The following ATF2 variants were observed in gnomAD, a reference collection of about 807,000 sequenced individuals.
ATF2 encodes cyclic AMP-dependent transcription factor ATF-2.
In ATF2, 24 loss-of-function variants were observed where a neutral mutation model predicts 60.6. That is an observed-to-expected ratio of 0.40 (90% CI 0.29 to 0.56). The LOEUF is 0.56. Among genes scored for constraint, ATF2 ranks in the 20% least tolerant of loss-of-function variants. ATF2 has a pLI of 0.54. For missense variants in ATF2, 433 were observed against 607.7 expected (o/e 0.71, Z 3.02); for synonymous variants, 206 against 215.4 (o/e 0.96, Z 0.38).
chr2:175,097,534 T>C lies in ATF2; in HGVS notation c.888A>G (p.Lys296=), dbSNP rs1209004479. The C allele has an allele frequency of 6.2e-7, 1 of 1,614,138 alleles. No homozygotes were observed. The highest frequency in any genetic ancestry group is 1.7e-5 in the Admixed American group (1 of 60,002). Residue 296 remains lysine (K), a synonymous_variant, in exon 11 of 14, where the codon AAA becomes AAG. Coordinates refer to ENST00000264110, the MANE Select transcript of ATF2 (RefSeq NM_001880.4). ...TCCTAACCAATCCGCTACCATGACC[T>C]TTGACAGTATCACCATTGGTAACTG... ...HPPVTNGDTV[K]GHGSGLVRTQ...
intron 1 of ATF2, among the ~76,000 whole-genome samples, chr2:175,163,136 AAAAT>A (rs576175911): frequency 0.043 from 4,966 of 115,132 alleles, 103 homozygotes; most frequent in Middle Eastern, 0.08. Context: ...TCTGTCTCAA[AAAAT>A]AAATAAATAA....
At chr2:175,094,811 T>A (rs1694810528) in intron 11 of ATF2, among the ~76,000 whole-genome samples, 2 of 152,112 alleles carry the variant, frequency 1.3e-5, no homozygotes, top group Admixed American at 6.6e-5. Flanking sequence ...TGCGGTGGCA[T>A]GTGCTTGTGG....
At chr2:175,140,203 GA>G (rs1559106220) in intron 2 of ATF2, among the ~76,000 whole-genome samples, 1 of 152,082 alleles carries the variant, frequency 6.6e-6, no homozygotes, top group Non-Finnish European at 1.5e-5. Flanking sequence ...TCAGCTAGGC[GA>G]AAATGCCAAA....
chr2:175,114,272 A>G, intron 8 of ATF2, 164 bp from the exon 9 acceptor site: 1 of 1,388,780 alleles, frequency 7.2e-7, no homozygotes, highest in Non-Finnish European at 9.3e-7. Context: ...TTGCATCTTA[A>G]ATGCATAACC....
intron 1 of ATF2, among the ~76,000 whole-genome samples, chr2:175,166,302 G>A (rs1700345975): frequency 6.6e-6 from 1 of 152,122 alleles, no homozygotes; most frequent in South Asian, 2.1e-4. Context: ...GTCTTAGGAA[G>A]GCAACATACA....
chr2:175,091,612 T>C (rs1263275212), intron 12 of ATF2, among the ~76,000 whole-genome samples: 1 of 152,130 alleles, frequency 6.6e-6, no homozygotes, highest in Non-Finnish European at 1.5e-5. Flanking sequence ...GCCTGTAATC[T>C]AGCAATTTGG....
intron 4 of ATF2, among the ~76,000 whole-genome samples, chr2:175,123,848 A>T (rs1255208236): frequency 6.6e-6 from 1 of 152,058 alleles, no homozygotes; most frequent in African/African-American, 2.4e-5. Flanking sequence ...CTCAAAATAC[A>T]AAAACACTGC....
At chr2:175,142,316 G>A (rs1018262395) in intron 2 of ATF2, among the ~76,000 whole-genome samples, 2 of 151,268 alleles carry the variant, frequency 1.3e-5, no homozygotes, top group Admixed American at 6.6e-5. Flanking sequence ...TTACAGGCAC[G>A]CACCACCACT....
At chr2:175,089,618 TGAAA>T (rs1193457696) in intron 12 of ATF2, among the ~76,000 whole-genome samples, 1 of 152,242 alleles carries the variant, frequency 6.6e-6, no homozygotes, top group East Asian at 1.9e-4. Flanking sequence ...GTTGGCAGAC[TGAAA>T]GAAATTTTTC....
intron 2 of ATF2, among the ~76,000 whole-genome samples, chr2:175,140,577 T>G (rs1698433558): frequency 6.6e-6 from 1 of 152,124 alleles, no homozygotes; most frequent in South Asian, 2.1e-4. Flanking sequence ...GTTTTATGGG[T>G]GTATACATAT....
chr2:175,083,281 A>G lies in ATF2; in HGVS notation c.1186-2516T>C, dbSNP rs1223168900. On this transcript the variant is annotated intron_variant, in intron 12 of 13. Transcript: ENST00000264110. ...GCTACAGTAACCAAAACAGCATGGT[A>G]CTGGTACCAAAACAGAGATATAGAT... Among the ~76,000 whole-genome samples the G allele has an allele frequency of 2.6e-5, 4 of 152,280 alleles. No individual in the cohort carries two copies. In the South Asian group the frequency reaches 6.2e-4, roughly 24 times the overall value.
rs778692112 is a variant in ATF2, at chr2:175,118,154, CAA to C, written c.319-38_319-37del. ...AATAATAAGGAAAAGGTTATAAGTTCAAAAACAGTGTGTCTAAATTTAAAAAG... is the reference window on the plus strand; with the variant it reads ...AATAATAAGGAAAAGGTTATAAGTTCAAACAGTGTGTCTAAATTTAAAAAG... On this transcript the variant is annotated intron_variant, in intron 6 of 13. Coordinates refer to ENST00000264110, the MANE Select transcript of ATF2 (RefSeq NM_001880.4). 3.7e-6 allele frequency: 6 copies of C among 1,600,782 alleles called. No individual in the cohort carries two copies. In the Admixed American group the frequency reaches 8.6e-5, roughly 23 times the overall value.
intron 5 of ATF2, 74 bp from the exon 6 acceptor site, chr2:175,118,443 C>G (rs1277280218): frequency 2.4e-6 from 3 of 1,228,794 alleles, no homozygotes; most frequent in Admixed American, 2.2e-5. Context: ...ACTAAGTTAA[C>G]AAATTAGCAG....
chr2:175,120,717 T>C (rs1317121091), intron 5 of ATF2, among the ~76,000 whole-genome samples: 1 of 151,674 alleles, frequency 6.6e-6, no homozygotes. Flanking sequence ...TGTTTTATCA[T>C]AATACTTATA....
intron 1 of ATF2, among the ~76,000 whole-genome samples, chr2:175,153,810 C>T (rs1186102132): frequency 6.0e-5 from 8 of 132,800 alleles, no homozygotes; most frequent in East Asian, 2.3e-4. Flanking sequence ...CCAGCCTGGG[C>T]GACAGAGCGA....
intron 12 of ATF2, among the ~76,000 whole-genome samples, chr2:175,083,720 G>A (rs1402510947): frequency 6.6e-6 from 1 of 152,034 alleles, no homozygotes; most frequent in African/African-American, 2.4e-5. Flanking sequence ...CTACAAAATG[G>A]AAGAAAATTT....
At chr2:175,142,704 AGAGAGAGAGAGAGAGAGT>A (rs1257007484) in intron 2 of ATF2, among the ~76,000 whole-genome samples, 10 of 122,320 alleles carry the variant, frequency 8.2e-5, no homozygotes, top group Non-Finnish European at 1.8e-4. Context: ...AGAGAGAGAG[AGAGAGAGAGAGAGAGAGT>A]GTGTGTGTGT....
intron 2 of ATF2, among the ~76,000 whole-genome samples, chr2:175,149,364 A>G (rs778370969): frequency 1.2e-4 from 19 of 152,334 alleles, no homozygotes; most frequent in Non-Finnish European, 2.1e-4. Context: ...TCAGTCTCCC[A>G]GTCTCCCACT....
intron 2 of ATF2, among the ~76,000 whole-genome samples, chr2:175,141,797 T>C (rs750197422): frequency 3.5e-5 from 5 of 142,310 alleles, no homozygotes; most frequent in Non-Finnish European, 7.4e-5. Flanking sequence ...CTGGTCCCTA[T>C]AAATATATTT....
Sources: gnomAD v4.1 joint callset for allele counts (sites outside exome capture counted in the v4.1 genomes callset) on GRCh38, gnomAD v4.1.1 for gene constraint, MANE v1.5 for transcripts, NCBI Gene and HGNC (gene_info 2026-07-23, HGNC 2026-07-21) for gene names.